Variants in GMNC observed in about 807,000 individuals in gnomAD.
GMNC encodes the protein geminin coiled-coil domain containing, also known as geminin coiled-coil domain-containing protein 1.
In GMNC, 16 loss-of-function variants were observed where a neutral mutation model predicts 33.6. The ratio of observed to expected loss-of-function variants is 0.48; its 90% confidence interval spans 0.32 to 0.72. The LOEUF (loss-of-function observed/expected upper bound fraction) is 0.72. Among genes scored for constraint, GMNC ranks in the 30% least tolerant of loss-of-function variants. GMNC has a pLI of 0.03. For missense variants in GMNC, 393 were observed against 388.9 expected (o/e 1.01, Z -0.09); for synonymous variants, 156 against 147.3 (o/e 1.06, Z -0.43).
downstream of GMNC, among the ~76,000 whole-genome samples, chr3:190,849,987 G>A (rs971106389): frequency 6.6e-6 from 1 of 152,322 alleles, no homozygotes; most frequent in Admixed American, 6.5e-5. Flanking sequence ...ATTAGTAACA[G>A]TAATTGAGAA....
In GMNC at chr3:190,862,355, T is replaced by C. The variant is rs959893999; in HGVS notation, c.3+258A>G. Among the ~76,000 whole-genome samples, 4 of 100,366 alleles carry C rather than the reference T, an allele frequency of 4.0e-5. No individual in the cohort carries two copies. The highest frequency in any genetic ancestry group is 1.1e-4 in the Admixed American group (1 of 9,232). The allele number at this position is 100,366 out of a possible 152,430, so 65.8% of individuals were successfully genotyped here. A position where few individuals can be genotyped will look rare whatever the true frequency, so the allele number is the denominator to read the frequency against. On this transcript the variant is annotated intron_variant, in intron 1 of 4. Transcript: ENST00000442080. This position sits in a 1 kb window ranked among gnomAD's most constrained non-coding sequence, Gnocchi z 4.5. ...GGGGAGAAAGTAAGGAAAGTAGTAA[T>C]AACAGAAAGAGAGAGAGAGGGCGAG...
In GMNC at chr3:190,857,766, A is replaced by C. The variant is rs983836423; in HGVS notation, c.384+17T>G. The C allele has an allele frequency of 2.5e-6, 3 of 1,180,002 alleles. No homozygotes were observed. In the South Asian group the frequency reaches 3.9e-5, roughly 15 times the overall value. 73.1% of individuals were successfully genotyped at this position (1,180,002 alleles called of 1,614,324 possible). On this transcript the variant is annotated intron_variant, in intron 4 of 4. Coordinates refer to ENST00000442080, the MANE Select transcript of GMNC (RefSeq NM_001146686.3). ...ACTGCTTTGTTCTTATAAAGTAGATACATACATCATACATACCTTGGCCTT... is the reference window on the plus strand; with the variant it reads ...ACTGCTTTGTTCTTATAAAGTAGATCCATACATCATACATACCTTGGCCTT...
intron 3 of GMNC, 92 bp from the exon 4 acceptor site, chr3:190,857,991 G>T: frequency 2.7e-6 from 2 of 737,274 alleles, no homozygotes. Flanking sequence ...CCTTAAACTT[G>T]ATGATTGTTT....
chr3:190,858,909 T>A lies in GMNC; in HGVS notation c.267+19A>T. On this transcript the variant is annotated intron_variant, in intron 3 of 4. Coordinates refer to ENST00000442080, the MANE Select transcript of GMNC (RefSeq NM_001146686.3). ...CCACATAGAACATGACCAGTCTCAA[T>A]GTTCTGACTTACACATACCTGCTTA... 7.0e-7 allele frequency: 1 copy of A among 1,424,096 alleles called. No individual in the cohort carries two copies. Among genetic ancestry groups the A allele is most frequent in the Non-Finnish European group, 9.7e-7 (1 of 1,032,876 alleles). The allele number at this position is 1,424,096 out of a possible 1,614,324, so 88.2% of individuals were successfully genotyped here.
rs1053104527 is a variant in GMNC at position 190,855,573 on chromosome 3, T to C, written c.727A>G (p.Ile243Val). ...GTTGTTCTGTCACCTCTATAGTCAA[T>C]TGGCATATCCTCTCTGGGGATATTT... Reference protein sequence around the residue: ...YKNIPREDMPIDYRGDRTTPL... With the variant: ...YKNIPREDMPVDYRGDRTTPL... Residue 243 changes from isoleucine (I) to valine (V), a missense_variant, in exon 5 of 5, where the codon ATT becomes GTT. Physicochemically the swap from Ile to Val is conservative, Grantham distance 29 (BLOSUM62 3). Transcript: ENST00000442080. 1.9e-6 allele frequency: 3 copies of C among 1,551,434 alleles called. No homozygotes were observed. Among genetic ancestry groups the C allele is most frequent in the Admixed American group, 2.0e-5 (1 of 50,978 alleles).
chr3:190,855,586 T>A lies in GMNC; in HGVS notation c.714A>T (p.Arg238Ser). 1 of 1,551,316 alleles carries A rather than the reference T, an allele frequency of 6.4e-7. No homozygotes were observed. The highest frequency in any genetic ancestry group is 8.7e-7 in the Non-Finnish European group (1 of 1,146,684). The change falls in exon 5 of 5, where the codon AGA becomes AGT. Residue 238 changes from arginine to serine, a missense_variant. Arg to Ser is a moderately radical substitution (Grantham distance 110). Coordinates refer to ENST00000442080, the MANE Select transcript of GMNC (RefSeq NM_001146686.3). ...CTCTATAGTCAATTGGCATATCCTC[T>A]CTGGGGATATTTTTATAATCAACTG... ...DDAVDYKNIPREDMPIDYRGD... is the reference protein window; with the variant it reads ...DDAVDYKNIPSEDMPIDYRGD...
the GMNC span, among the ~76,000 whole-genome samples, chr3:190,847,717 T>A: frequency 3.3e-5 from 5 of 152,280 alleles, no homozygotes; most frequent in East Asian, 3.9e-4. Flanking sequence ...CTCTCTTGCA[T>A]ACCTCCATTT....
Position 190,856,318 on chromosome 3 carries a change from T to A in GMNC, c.385-403A>T, listed in dbSNP as rs866652843. On this transcript the variant is annotated intron_variant, in intron 4 of 4. Transcript: ENST00000442080. ...TATAAATAATACTTATATTTATTTATAAATATTTATAAATAAATAAAAATA... is the reference window on the plus strand; with the variant it reads ...TATAAATAATACTTATATTTATTTAAAAATATTTATAAATAAATAAAAATA... Among the ~76,000 whole-genome samples, 60 of 142,390 alleles carry A rather than the reference T, an allele frequency of 4.2e-4. 2 individuals carry two copies. Among genetic ancestry groups the A allele is most frequent in the African/African-American group, 1.4e-3 (55 of 38,588 alleles). 93.4% of individuals were successfully genotyped at this position (142,390 alleles called of 152,430 possible).
chr3:190,858,489 G>A (rs1484293853), intron 3 of GMNC, among the ~76,000 whole-genome samples: 1 of 151,974 alleles, frequency 6.6e-6, no homozygotes, highest in African/African-American at 2.4e-5. Flanking sequence ...TATCCTTCAG[G>A]GGCAAAACTG....
downstream of GMNC, among the ~76,000 whole-genome samples, chr3:190,851,408 C>G (rs9878421): frequency 0.52 from 79,621 of 152,076 alleles, 23,488 homozygotes; most frequent in African/African-American, 0.82. Context: ...TCATAGCCTT[C>G]CTTGAAATCC....
downstream of GMNC, among the ~76,000 whole-genome samples, chr3:190,849,069 G>C (rs779216199): frequency 1.1e-4 from 16 of 152,094 alleles, no homozygotes; most frequent in Non-Finnish European, 1.5e-4. Context: ...TTTTACTCTC[G>C]TCGTTAACAG....
At chr3:190,846,841 C>A in the GMNC span, among the ~76,000 whole-genome samples, 2 of 152,200 alleles carry the variant, frequency 1.3e-5, no homozygotes, top group Admixed American at 1.3e-4. Flanking sequence ...ATTACACTTT[C>A]TATTTTGAGG....
intron 2 of GMNC, 129 bp downstream of exon 2, chr3:190,860,555 G>C: frequency 1.4e-6 from 1 of 717,216 alleles, no homozygotes; most frequent in Non-Finnish European, 2.2e-6. Context: ...GTAAAAATCA[G>C]GAGTCCTTGG....
downstream of GMNC, among the ~76,000 whole-genome samples, chr3:190,851,085 C>T (rs115343604): frequency 6.7e-3 from 1,022 of 152,320 alleles, 14 homozygotes; most frequent in African/African-American, 0.023. Context: ...TCTCAAATCA[C>T]TGTCTCTTGA....
At chr3:190,849,071 C>T (rs1476892770), downstream of GMNC, among the ~76,000 whole-genome samples, 1 of 152,138 alleles carries the variant, frequency 6.6e-6, no homozygotes, top group East Asian at 1.9e-4. Flanking sequence ...TTACTCTCGT[C>T]GTTAACAGGA....
chr3:190,854,981 A>T lies in GMNC; in HGVS notation c.*314T>A. On this transcript the variant is annotated 3_prime_UTR_variant, in exon 5 of 5. Transcript: ENST00000442080. ...TGTTAAACTGGTTAAAATTGGAAAAATGTATCTAGGTCTTAAAGGAATATA... is the reference window on the plus strand; with the variant it reads ...TGTTAAACTGGTTAAAATTGGAAAATTGTATCTAGGTCTTAAAGGAATATA... 4.0e-6 allele frequency: 1 copy of T among 248,924 alleles called. No individual in the cohort carries two copies. Among genetic ancestry groups the T allele is most frequent in the Non-Finnish European group, 7.9e-6 (1 of 127,282 alleles). 15.4% of individuals were successfully genotyped at this position (248,924 alleles called of 1,614,324 possible).
chr3:190,856,023 G>A, intron 4 of GMNC, 108 bp from the exon 5 acceptor site: 1 of 786,260 alleles, frequency 1.3e-6, no homozygotes, highest in East Asian at 2.7e-5. Context: ...AAGATGGATT[G>A]GATTAGCTTG....
chr3:190,847,753 C>T (rs896418145), downstream of GMNC, among the ~76,000 whole-genome samples: 2 of 152,122 alleles, frequency 1.3e-5, no homozygotes, highest in African/African-American at 4.8e-5. Flanking sequence ...GTTTCCTCCC[C>T]CTCTTCCTCT....
Position 190,855,568 on chromosome 3 carries a change from G to A in GMNC, c.732C>T (p.Asp244=). 6.4e-7 allele frequency: 1 copy of A among 1,551,592 alleles called. No individual in the cohort carries two copies. Among genetic ancestry groups the A allele is most frequent in the Non-Finnish European group, 8.7e-7 (1 of 1,146,902 alleles). Residue 244 remains aspartate (D), a synonymous_variant, in exon 5 of 5, where the codon GAC becomes GAT. Transcript: ENST00000442080. ...AGGGGGTTGTTCTGTCACCTCTATA[G>A]TCAATTGGCATATCCTCTCTGGGGA... ...KNIPREDMPI[D]YRGDRTTPLH...
Sources: allele counts gnomAD v4.1 joint callset (sites outside exome capture counted in the v4.1 genomes callset), GRCh38; gene constraint gnomAD v4.1.1; non-coding constraint Gnocchi (gnomAD v3.1); transcripts MANE v1.5; gene names NCBI Gene and HGNC (gene_info 2026-07-23, HGNC 2026-07-21).